SLC39A12: variants seen among roughly 807,000 people sequenced by gnomAD.
SLC39A12 encodes the protein zinc transporter ZIP12.
SLC39A12 carries 63 observed loss-of-function variants against 71.1 expected under a neutral mutation model. That is an observed-to-expected ratio of 0.89 (90% CI 0.72 to 1.09). The LOEUF (loss-of-function observed/expected upper bound fraction) is 1.09, where lower values mean the gene tolerates loss of function less well. Ranked by LOEUF, SLC39A12 falls within the 50% of genes least tolerant of loss-of-function variation. SLC39A12 has a pLI of 0.00. For missense variants in SLC39A12, 892 were observed against 812.6 expected, an observed-to-expected ratio of 1.10 and a Z score of -1.19; for synonymous variants, 351 against 301.3, an observed-to-expected ratio of 1.16 and a Z score of -1.71.
At chr10:18,042,468 A>AC (rs1443920565) in intron 12 of SLC39A12, among the ~76,000 whole-genome samples, 1 of 151,214 alleles carries the variant, frequency 6.6e-6, no homozygotes, top group Non-Finnish European at 1.5e-5. Context: ...CAAAAGAAAA[A>AC]AAAAAAAAAA....
intron 3 of SLC39A12, among the ~76,000 whole-genome samples, chr10:17,963,752 G>A (rs1554848671): frequency 6.6e-6 from 1 of 152,082 alleles, no homozygotes; most frequent in African/African-American, 2.4e-5. Context: ...GGCTCACCAG[G>A]CCCATCATTA....
chr10:18,020,298 C>A (rs1011161706), intron 12 of SLC39A12, among the ~76,000 whole-genome samples: 3 of 151,916 alleles, frequency 2.0e-5, no homozygotes, highest in African/African-American at 4.8e-5. Context: ...AAGGTGCAAT[C>A]TTTTCTTTTT....
intron 12 of SLC39A12, among the ~76,000 whole-genome samples, chr10:18,033,642 C>T (rs1393578558): frequency 1.4e-5 from 2 of 146,802 alleles, no homozygotes; most frequent in Admixed American, 1.4e-4. Context: ...TTTTGTGTCT[C>T]TATTTCCTTC....
chr10:18,005,302 C>G (rs1489459938), intron 12 of SLC39A12: 1 of 152,166 alleles, frequency 6.6e-6, no homozygotes. Flanking sequence ...TCCTGCGATT[C>G]TTTCAACTTG....
At chr10:18,035,293 C>T (rs1162500231) in intron 12 of SLC39A12, among the ~76,000 whole-genome samples, 5 of 140,918 alleles carry the variant, frequency 3.5e-5, no homozygotes, top group African/African-American at 1.4e-4. Context: ...ACCAATCAGA[C>T]ATAGATTTGG....
intron 11 of SLC39A12, among the ~76,000 whole-genome samples, chr10:18,001,241 G>A (rs1308220921): frequency 2.0e-5 from 3 of 152,200 alleles, no homozygotes; most frequent in South Asian, 2.1e-4. Flanking sequence ...CCGGCCGGGC[G>A]CAGTGGCTCA....
chr10:17,994,242 T>C (rs1835628379), intron 9 of SLC39A12, among the ~76,000 whole-genome samples: 1 of 152,112 alleles, frequency 6.6e-6, no homozygotes, highest in Non-Finnish European at 1.5e-5. Context: ...TATAACCAAA[T>C]CTCTGAAGGT....
intron 12 of SLC39A12, among the ~76,000 whole-genome samples, chr10:18,012,975 A>T (rs1047417624): frequency 2.0e-5 from 3 of 152,034 alleles, no homozygotes; most frequent in Admixed American, 2.0e-4. Flanking sequence ...GGACTTTGAG[A>T]TCTAAACAAA....
In SLC39A12 at chr10:18,022,280, T is replaced by A. The variant is rs190388260; in HGVS notation, c.1947+18922T>A. 4.1e-4 allele frequency among the ~76,000 whole-genome samples: 63 copies of A among 152,298 alleles called. 1 individual carries two copies. The East Asian group carries it at 0.012, about 29-fold the overall frequency. On this transcript the variant is annotated intron_variant, in intron 12 of 12. Coordinates refer to ENST00000377369, the MANE Select transcript of SLC39A12 (RefSeq NM_001145195.2). ...ATGCCAATGAGTCATAGATTTTATC[T>A]CTTTACATAATCCCGTCTTTCTCAG...
At chr10:18,037,261 G>A (rs926952689) in intron 12 of SLC39A12, among the ~76,000 whole-genome samples, 1 of 152,124 alleles carries the variant, frequency 6.6e-6, no homozygotes, top group Non-Finnish European at 1.5e-5. Context: ...ATTGCATCAT[G>A]TATTTTATCA....
intron 2 of SLC39A12, among the ~76,000 whole-genome samples, chr10:17,959,094 A>T (rs1834622204): frequency 1.3e-5 from 2 of 151,840 alleles, no homozygotes; most frequent in Admixed American, 6.6e-5. Flanking sequence ...TGTACAAAGA[A>T]CCTCTTTTAT....
intron 4 of SLC39A12, among the ~76,000 whole-genome samples, chr10:17,967,892 A>ATATATATAT (rs1378347406): frequency 8.8e-6 from 1 of 113,974 alleles, no homozygotes; most frequent in African/African-American, 3.9e-5. Flanking sequence ...GCCTCAAAAA[A>ATATATATAT]AAAAAAATAT....
chr10:17,961,922 G>C (rs557020284), intron 3 of SLC39A12, 60 bp downstream of exon 3: 7 of 1,493,282 alleles, frequency 4.7e-6, no homozygotes, highest in South Asian at 1.4e-5. Flanking sequence ...GAGCCTTATT[G>C]TTTGTTCCTT....
At chr10:18,015,922 C>A (rs1326489734) in intron 12 of SLC39A12, among the ~76,000 whole-genome samples, 1 of 151,928 alleles carries the variant, frequency 6.6e-6, no homozygotes, top group Non-Finnish European at 1.5e-5. Context: ...CACAGCAAAA[C>A]TACTCAGAAG....
rs751069536 is a variant in SLC39A12, at chr10:17,977,975, A to G, written c.825A>G (p.Gln275=). 5.6e-6 allele frequency: 9 copies of G among 1,611,974 alleles called. No homozygotes were observed. Among genetic ancestry groups the G allele is most frequent in the Admixed American group, 1.7e-5 (1 of 59,616 alleles). The change falls in exon 5 of 13, where the codon CAA becomes CAG. Residue 275 remains glutamine (Q), a synonymous_variant. Coordinates refer to ENST00000377369, the MANE Select transcript of SLC39A12 (RefSeq NM_001145195.2). ...AAAATGAGAAAATCCATCAATTTCA[A>G]AGGAAACAAAACAACATAATAACCC... ...CIKNEKIHQF[Q]RKQNNIITHD... is the part of the protein sequence containing the mutation.
intron 12 of SLC39A12, among the ~76,000 whole-genome samples, chr10:18,037,356 A>G (rs1424676673): frequency 6.6e-6 from 1 of 152,166 alleles, no homozygotes; most frequent in East Asian, 1.9e-4. Context: ...AATTAGACCA[A>G]TTCGCCCTTG....
intron 2 of SLC39A12, among the ~76,000 whole-genome samples, chr10:17,954,875 A>G (rs770669169): frequency 9.2e-5 from 14 of 152,210 alleles, no homozygotes; most frequent in African/African-American, 2.9e-4. Flanking sequence ...TTTTTTCATA[A>G]CAGAAGAGTT....
At chr10:17,954,609 G>T (rs868913115) in intron 2 of SLC39A12, among the ~76,000 whole-genome samples, 2 of 152,162 alleles carry the variant, frequency 1.3e-5, no homozygotes, top group Non-Finnish European at 2.9e-5. Flanking sequence ...CATTAGGGAG[G>T]GTGGGGTAGG....
intron 4 of SLC39A12, among the ~76,000 whole-genome samples, chr10:17,971,525 C>G (rs1358755908): frequency 1.3e-5 from 2 of 151,816 alleles, no homozygotes; most frequent in African/African-American, 2.4e-5. Context: ...CGTTATTGGA[C>G]TGTTCAGTTT....
Sources: gnomAD v4.1 joint callset for allele counts (sites outside exome capture counted in the v4.1 genomes callset) on GRCh38, gnomAD v4.1.1 for gene constraint, MANE v1.5 for transcripts, NCBI Gene and HGNC (gene_info 2026-07-23, HGNC 2026-07-21) for gene names.